SH3RF1: variants seen among roughly 807,000 people sequenced by gnomAD.
SH3RF1 encodes SH3 domain containing ring finger 1.
A neutral mutation model predicts 74.0 loss-of-function variants in SH3RF1; 32 were observed. That is an observed-to-expected ratio of 0.43 (90% CI 0.33 to 0.58). The LOEUF (loss-of-function observed/expected upper bound fraction) is 0.58, where lower values mean the gene tolerates loss of function less well. Ranked by LOEUF, SH3RF1 falls within the 20% of genes least tolerant of loss-of-function variation. The pLI, the probability that SH3RF1 is intolerant of heterozygous loss-of-function variation, is 0.05. For synonymous variants in SH3RF1, 396 were observed against 439.6 expected, an observed-to-expected ratio of 0.90 and a Z score of 1.24; for missense variants, 954 against 1,130.9, an observed-to-expected ratio of 0.84 and a Z score of 2.24.
intron 5 of SH3RF1, among the ~76,000 whole-genome samples, chr4:169,132,404 T>C (rs1414886582): frequency 6.6e-6 from 1 of 152,184 alleles, no homozygotes; most frequent in Admixed American, 6.5e-5. Context: ...GTGTCTGCCA[T>C]CACAGGCACT....
chr4:169,124,399 C>A (rs191161772), intron 6 of SH3RF1, among the ~76,000 whole-genome samples: 160 of 152,280 alleles, frequency 1.1e-3, no homozygotes, highest in Admixed American at 2.6e-3. Flanking sequence ...AAAATCACTT[C>A]TTGTCACAAA....
intron 2 of SH3RF1, among the ~76,000 whole-genome samples, chr4:169,267,087 C>T (rs1731366704): frequency 6.6e-6 from 1 of 152,138 alleles, no homozygotes; most frequent in Non-Finnish European, 1.5e-5. Context: ...AATAATTTAC[C>T]TATGAAGTTC....
intron 7 of SH3RF1, 64 bp downstream of exon 7, chr4:169,122,036 C>A: frequency 1.9e-6 from 3 of 1,586,872 alleles, no homozygotes; most frequent in South Asian, 1.1e-5. Context: ...TGTTTCTTGA[C>A]CTCTGAGGTT....
rs1423826503 is a variant in SH3RF1 at position 169,270,924 on chromosome 4, G to T, written c.-161C>A. The T allele has an allele frequency of 6.6e-6, 1 of 152,156 alleles. No individual in the cohort carries two copies. The allele number at this position is 152,156 out of a possible 1,614,324, so 9.4% of individuals were successfully genotyped here. A position where few individuals can be genotyped will look rare whatever the true frequency, so the allele number is the denominator to read the frequency against. On this transcript the variant is annotated 5_prime_UTR_variant, in exon 1 of 12. Transcript: ENST00000284637. The stretch of plus-strand genomic sequence containing the variant: ...CGGCTGCGGCGGCTGATGCAGATGC[G>T]GCCCCACCGCGCTCGCCGCTCGCAG...
chr4:169,172,279 T>C (rs1329417992), intron 2 of SH3RF1, among the ~76,000 whole-genome samples: 2 of 152,248 alleles, frequency 1.3e-5, no homozygotes, highest in African/African-American at 4.8e-5. Context: ...CAATACTGGC[T>C]AAAACCATGT....
intron 3 of SH3RF1, 63 bp from the exon 4 acceptor site, chr4:169,155,638 T>C: frequency 1.6e-6 from 2 of 1,248,878 alleles, no homozygotes; most frequent in Middle Eastern, 1.9e-4. Context: ...GCTTGTCATT[T>C]AATTTTCCTT....
rs557204105 is a variant in SH3RF1 at position 169,183,060 on chromosome 4, G to C, written c.394-26381C>G. 7.1e-4 allele frequency among the ~76,000 whole-genome samples: 108 copies of C among 152,154 alleles called. 1 individual carries two copies. The South Asian group carries it at 0.016, about 23-fold the overall frequency. On this transcript the variant is annotated intron_variant, in intron 2 of 11. Transcript: ENST00000284637. ...GTGGTTCATGCCTGTAATCCCAGCA[G>C]TTTGGGAGTCTAAGGTGGGAGGATC...
intron 11 of SH3RF1, among the ~76,000 whole-genome samples, chr4:169,101,764 G>A (rs990502220): frequency 6.6e-6 from 1 of 151,682 alleles, no homozygotes; most frequent in African/African-American, 2.4e-5. Context: ...ACAAAGCGCT[G>A]TGGAGGCATT....
chr4:169,113,121 T>TC (rs545952938), intron 10 of SH3RF1, among the ~76,000 whole-genome samples: 1,837 of 151,302 alleles, frequency 0.012, 42 homozygotes, highest in African/African-American at 0.042. Context: ...CTTTTTTTTT[T>TC]CCCCCCTGAG....
intron 2 of SH3RF1, among the ~76,000 whole-genome samples, chr4:169,170,776 C>T (rs1312167946): frequency 6.6e-6 from 1 of 152,176 alleles, no homozygotes; most frequent in Non-Finnish European, 1.5e-5. Context: ...TCTAATCTGT[C>T]TGATCTGTCT....
rs771752763 is a variant in SH3RF1 at position 169,122,273 on chromosome 4, T to C, written c.1180-7A>G. ...GAAGAGGAGGATTCAAAGTCTAGTA[T>C]AGGAAAAACATAAAGAGAAAGGGAA... On this transcript the variant is annotated splice_polypyrimidine_tract_variant and splice_region_variant and intron_variant, in intron 6 of 11. Coordinates refer to ENST00000284637, the MANE Select transcript of SH3RF1 (RefSeq NM_020870.4). 5.1e-6 allele frequency: 8 copies of C among 1,571,464 alleles called. No homozygotes were observed. In the Admixed American group the frequency reaches 9.5e-5, roughly 19 times the overall value.
intron 2 of SH3RF1, among the ~76,000 whole-genome samples, chr4:169,254,148 A>C (rs1310210111): frequency 4.6e-5 from 7 of 152,232 alleles, no homozygotes; most frequent in African/African-American, 1.4e-4. Flanking sequence ...AGACACTCCA[A>C]CTTACAAGGA....
intron 2 of SH3RF1, among the ~76,000 whole-genome samples, chr4:169,192,378 G>GA (rs1188729285): frequency 1.3e-5 from 2 of 151,262 alleles, no homozygotes; most frequent in South Asian, 4.2e-4. Context: ...ACAAACATAT[G>GA]AAAAAAATGC....
chr4:169,245,213 C>A (rs896336265), intron 2 of SH3RF1, among the ~76,000 whole-genome samples: 34 of 152,182 alleles, frequency 2.2e-4, no homozygotes, highest in African/African-American at 8.2e-4. Flanking sequence ...AACTTTAACG[C>A]TACCAACTAC....
chr4:169,217,737 G>A (rs541191635), intron 2 of SH3RF1, among the ~76,000 whole-genome samples: 2 of 152,010 alleles, frequency 1.3e-5, no homozygotes, highest in African/African-American at 2.4e-5. Flanking sequence ...TTTTAGCTGG[G>A]GAAGCTAAAA....
intron 2 of SH3RF1, among the ~76,000 whole-genome samples, chr4:169,203,298 C>T (rs1734940485): frequency 6.6e-6 from 1 of 152,124 alleles, no homozygotes; most frequent in African/African-American, 2.4e-5. Flanking sequence ...TGCCTGTAAT[C>T]CCAGCACTTT....
intron 2 of SH3RF1, among the ~76,000 whole-genome samples, chr4:169,254,762 A>G (rs904845588): frequency 6.6e-6 from 1 of 152,222 alleles, no homozygotes; most frequent in African/African-American, 2.4e-5. Context: ...TCAGAACTTT[A>G]TCACCACACT....
At chr4:169,264,989 G>A (rs189780659) in intron 2 of SH3RF1, among the ~76,000 whole-genome samples, 30 of 152,200 alleles carry the variant, frequency 2.0e-4, no homozygotes, top group Admixed American at 7.2e-4. Flanking sequence ...CAGCTCAGAT[G>A]CCTCTTCCTC....
chr4:169,220,015 A>T (rs1730537937), intron 2 of SH3RF1: 1 of 152,178 alleles, frequency 6.6e-6, no homozygotes, highest in African/African-American at 2.4e-5. Flanking sequence ...CAGAAGAGAG[A>T]AAAAAAGAAA....
Sources: gnomAD v4.1 joint callset for allele counts (sites outside exome capture counted in the v4.1 genomes callset) on GRCh38, gnomAD v4.1.1 for gene constraint, MANE v1.5 for transcripts, NCBI Gene and HGNC (gene_info 2026-07-23, HGNC 2026-07-21) for gene names.